NUP188: variants seen among roughly 807,000 people sequenced by gnomAD.
The protein encoded by NUP188 is nucleoporin NUP188.
Under a neutral mutation model 223.0 loss-of-function variants are expected in NUP188, and 97 were observed. The ratio of observed to expected loss-of-function variants is 0.43; its 90% confidence interval spans 0.37 to 0.51. The LOEUF (loss-of-function observed/expected upper bound fraction) is 0.51. Among genes scored for constraint, NUP188 ranks in the 20% least tolerant of loss-of-function variants. The pLI is 0.00. For synonymous variants in NUP188, 869 were observed against 828.0 expected (o/e 1.05, Z -0.85); for missense variants, 1,947 against 2,175.6 (o/e 0.89, Z 2.09).
At chr9:128,961,535 A>G (rs1006464885) in intron 8 of NUP188, among the ~76,000 whole-genome samples, 4 of 151,470 alleles carry the variant, frequency 2.6e-5, no homozygotes, top group African/African-American at 9.7e-5. Context: ...AAATAAATAA[A>G]TAACCAAAGG....
At position 128,966,128 on chromosome 9, in the gene NUP188, C is replaced by CGTGTGT. The variant is rs34851120; in HGVS notation, c.586-2342_586-2337dup. Among the ~76,000 whole-genome samples the CGTGTGT allele has an allele frequency of 3.2e-4, 44 of 136,860 alleles. 1 individual carries two copies. Among genetic ancestry groups the CGTGTGT allele is most frequent in the African/African-American group, 7.9e-4 (29 of 36,696 alleles). The allele number at this position is 136,860 out of a possible 152,430, so 89.8% of individuals were successfully genotyped here. The stretch of plus-strand genomic sequence containing the variant: ...TTTTTTTAAAATAGATTTCTGCCTC[C>CGTGTGT]GTGTGTGTGTGTGTGTGTGTGTGTG... On this transcript the variant is annotated intron_variant, in intron 8 of 43. Transcript: ENST00000372577.
chr9:128,950,487 C>T (rs1379930601), intron 2 of NUP188, among the ~76,000 whole-genome samples: 1 of 152,206 alleles, frequency 6.6e-6, no homozygotes, highest in African/African-American at 2.4e-5. Context: ...TCCCAAAGTG[C>T]TTGGATTGCA....
rs756681925 is a variant in NUP188, at chr9:128,999,634, C to A, written c.3672C>A (p.Ile1224=). ...CTGTCTATTCTACAGTAAGTGACAT[C>A]CCCCAGTACTCCCAGCTGGTGCTGA... ...LQMKEMKVSD[I]PQYSQLVLNV... is the part of the protein sequence containing the mutation. Residue 1224 remains isoleucine (I), a synonymous_variant, in exon 34 of 44, where the codon ATC becomes ATA. Transcript: ENST00000372577. The A allele has an allele frequency of 6.2e-7, 1 of 1,613,958 alleles. No homozygotes were observed. Among genetic ancestry groups the A allele is most frequent in the East Asian group, 2.2e-5 (1 of 44,886 alleles).
intron 20 of NUP188, among the ~76,000 whole-genome samples, chr9:128,985,858 G>C (rs575389107): frequency 6.6e-6 from 1 of 152,270 alleles, no homozygotes. Flanking sequence ...GGCCAACATG[G>C]TGAAACCTCA....
intron 8 of NUP188, among the ~76,000 whole-genome samples, chr9:128,961,622 ATT>A (rs1554828110): frequency 7.5e-6 from 1 of 133,948 alleles, no homozygotes. Flanking sequence ...AGATAGATAG[ATT>A]TTTTTTTTTT....
At position 128,993,704 on chromosome 9, in the gene NUP188, C is replaced by T. The variant is rs1457724109; in HGVS notation, c.3017+10C>T. 1 of 1,613,030 alleles carries T rather than the reference C, an allele frequency of 6.2e-7. No individual in the cohort carries two copies. The highest frequency in any genetic ancestry group is 2.2e-5 in the East Asian group (1 of 44,876). The stretch of plus-strand genomic sequence containing the variant: ...TGGTCCTCCGAACCAAGTAAGTCTG[C>T]CTCTGGGAGTAGTTTCATTGTTCTG... On this transcript the variant is annotated intron_variant, in intron 27 of 43. Transcript: ENST00000372577.
chr9:128,971,437 G>C (rs564272274), intron 11 of NUP188, among the ~76,000 whole-genome samples: 1 of 152,206 alleles, frequency 6.6e-6, no homozygotes, highest in Admixed American at 6.5e-5. Flanking sequence ...GTTTGTTTTT[G>C]AGACAGAGTC....
intron 2 of NUP188, among the ~76,000 whole-genome samples, chr9:128,951,897 A>AT (rs1456288153): frequency 6.6e-6 from 1 of 150,498 alleles, no homozygotes; most frequent in Non-Finnish European, 1.5e-5. Flanking sequence ...GGTTCAAGTG[A>AT]TTCTCCTGCC....
At chr9:128,972,528 A>G (rs1034610340) in intron 11 of NUP188, among the ~76,000 whole-genome samples, 3 of 152,212 alleles carry the variant, frequency 2.0e-5, no homozygotes, top group Middle Eastern at 3.2e-3. Context: ...ACAATGGTGG[A>G]TACATGTCAT....
intron 25 of NUP188, among the ~76,000 whole-genome samples, chr9:128,991,917 T>TC (rs1842440492): frequency 6.7e-6 from 1 of 148,568 alleles, no homozygotes; most frequent in Non-Finnish European, 1.5e-5. Flanking sequence ...CTTTTTTTTT[T>TC]TTTTTTTTGA....
At chr9:128,964,640 T>A (rs1027410999) in intron 8 of NUP188, among the ~76,000 whole-genome samples, 1 of 151,626 alleles carries the variant, frequency 6.6e-6, no homozygotes, top group Non-Finnish European at 1.5e-5. Context: ...CCCAAAGTGC[T>A]GGGATGACAG....
At chr9:128,993,124 G>A in intron 25 of NUP188, 73 bp from the exon 26 acceptor site, 1 of 1,270,006 alleles carries the variant, frequency 7.9e-7, no homozygotes, top group Non-Finnish European at 1.2e-6. Flanking sequence ...GCTCTTCAGT[G>A]CCCTTCTGTG....
intron 2 of NUP188, among the ~76,000 whole-genome samples, chr9:128,950,219 G>T (rs1006489901): frequency 1.3e-5 from 2 of 151,864 alleles, no homozygotes; most frequent in African/African-American, 4.8e-5. Context: ...CACCACACCC[G>T]GCTACGTTTT....
At chr9:128,960,411 A>G (rs1396295734) in intron 8 of NUP188, among the ~76,000 whole-genome samples, 1 of 152,144 alleles carries the variant, frequency 6.6e-6, no homozygotes, top group Admixed American at 6.6e-5. Flanking sequence ...TCTATCGATT[A>G]TAGCATGACC....
intron 8 of NUP188, among the ~76,000 whole-genome samples, chr9:128,961,940 CTTTT>C (rs538615257): frequency 1.9e-5 from 2 of 106,782 alleles, no homozygotes; most frequent in East Asian, 2.7e-4. Context: ...ATACCATACT[CTTTT>C]TTTTTTTTTT....
chr9:128,953,378 A>G (rs978838675), intron 3 of NUP188, among the ~76,000 whole-genome samples: 1 of 152,222 alleles, frequency 6.6e-6, no homozygotes, highest in Admixed American at 6.5e-5. Context: ...GCAAATAAAG[A>G]GAATGCAGCT....
At chr9:129,003,684 G>A in intron 38 of NUP188, 1 of 622,698 alleles carries the variant, frequency 1.6e-6, no homozygotes, top group Non-Finnish European at 2.9e-6. Flanking sequence ...GTTAGATCTT[G>A]GTTCAGATCC....
chr9:128,948,081 C>A (rs1321902876), intron 1 of NUP188: 1 of 257,386 alleles, frequency 3.9e-6, no homozygotes, highest in Non-Finnish European at 7.3e-6. Flanking sequence ...CCGGCCGTGA[C>A]GCTCCCTCGA....
chr9:128,961,428 C>T (rs1841949370), intron 8 of NUP188, among the ~76,000 whole-genome samples: 1 of 151,890 alleles, frequency 6.6e-6, no homozygotes, highest in Non-Finnish European at 1.5e-5. Flanking sequence ...AGGAGAAATG[C>T]TTGAATCCAG....
Sources: gnomAD v4.1 joint callset for allele counts (sites outside exome capture counted in the v4.1 genomes callset) on GRCh38, gnomAD v4.1.1 for gene constraint, MANE v1.5 for transcripts, NCBI Gene and HGNC (gene_info 2026-07-23, HGNC 2026-07-21) for gene names.